The following RBFOX1 variants were observed in gnomAD, a reference collection of about 807,000 sequenced individuals.
RBFOX1 encodes RNA binding protein fox-1 homolog 1.
Under a neutral mutation model 57.7 loss-of-function variants are expected in RBFOX1, and 8 were observed. The observed-to-expected ratio is 0.14, with a 90% confidence interval of 0.08 to 0.25. The LOEUF is 0.25. RBFOX1 is among the 10% of genes least tolerant of loss of function. The probability of loss-of-function intolerance (pLI) is 1.00; values close to 1 mark genes in which losing one functional copy is unlikely to be tolerated. For synonymous variants in RBFOX1, 326 were observed against 222.4 expected (o/e 1.47, Z -4.15); for missense variants, 611 against 548.5 (o/e 1.11, Z -1.14).
intron 2 of RBFOX1, among the ~76,000 whole-genome samples, chr16:5,531,235 G>C (rs1472020858): frequency 6.6e-6 from 1 of 152,200 alleles, no homozygotes; most frequent in African/African-American, 2.4e-5. Flanking sequence ...CAGGCACTCT[G>C]GGGTGGGTTG....
intron 4 of RBFOX1, among the ~76,000 whole-genome samples, chr16:7,469,303 C>T (rs912690414): frequency 6.6e-6 from 1 of 152,040 alleles, no homozygotes; most frequent in African/African-American, 2.4e-5. Context: ...ACCTCATGAT[C>T]TGCCCGCCTC....
intron 3 of RBFOX1, among the ~76,000 whole-genome samples, chr16:6,737,697 C>T (rs538616005): frequency 1.8e-4 from 28 of 152,208 alleles, no homozygotes; most frequent in African/African-American, 4.8e-4. Flanking sequence ...CAAAATGTCC[C>T]AGAGCCTTAG....
At chr16:5,323,611 A>G (rs558467076) in intron 1 of RBFOX1, among the ~76,000 whole-genome samples, 24 of 152,386 alleles carry the variant, frequency 1.6e-4, no homozygotes, top group Middle Eastern at 3.4e-3. Context: ...TTTTAAAGCA[A>G]TAGCTTCATT....
chr16:7,427,879 C>T (rs1405506300), intron 4 of RBFOX1, among the ~76,000 whole-genome samples: 1 of 152,134 alleles, frequency 6.6e-6, no homozygotes, highest in Non-Finnish European at 1.5e-5. Flanking sequence ...GTCTCAAACC[C>T]CTGACCTCAG....
intron 1 of RBFOX1, among the ~76,000 whole-genome samples, chr16:5,430,576 C>G (rs978006382): frequency 6.6e-6 from 1 of 152,164 alleles, no homozygotes; most frequent in Non-Finnish European, 1.5e-5. Flanking sequence ...AGGATTTAAA[C>G]GCTAAGCCCA....
At chr16:7,251,873 A>G (rs1193566845) in intron 4 of RBFOX1, among the ~76,000 whole-genome samples, 1 of 152,208 alleles carries the variant, frequency 6.6e-6, no homozygotes, top group Non-Finnish European at 1.5e-5. Context: ...GCTGGAGCAT[A>G]TGGTAGTTCT....
intron 3 of RBFOX1, among the ~76,000 whole-genome samples, chr16:7,049,406 A>G (rs1449449256): frequency 2.0e-5 from 3 of 152,108 alleles, no homozygotes; most frequent in Admixed American, 6.6e-5. Flanking sequence ...CTACCCTGAG[A>G]TTGCCTGGAG....
At chr16:6,470,123 A>G (rs2095140490) in intron 2 of RBFOX1, among the ~76,000 whole-genome samples, 1 of 152,190 alleles carries the variant, frequency 6.6e-6, no homozygotes, top group African/African-American at 2.4e-5. Context: ...TTTAAAATAG[A>G]GTATATAGAA....
At chr16:7,249,684 T>G (rs868023904) in intron 4 of RBFOX1, among the ~76,000 whole-genome samples, 1 of 152,138 alleles carries the variant, frequency 6.6e-6, no homozygotes, top group Non-Finnish European at 1.5e-5. Context: ...TTTTATGTAT[T>G]TTTTATTTTT....
At chr16:6,793,845 G>C (rs1275193762) in intron 3 of RBFOX1, among the ~76,000 whole-genome samples, 1 of 152,078 alleles carries the variant, frequency 6.6e-6, no homozygotes, top group Non-Finnish European at 1.5e-5. Flanking sequence ...TTAAAGTGGA[G>C]GTCTGGTATA....
chr16:5,333,369 A>G (rs1040028900), intron 1 of RBFOX1, among the ~76,000 whole-genome samples: 7 of 152,166 alleles, frequency 4.6e-5, no homozygotes, highest in African/African-American at 1.7e-4. Flanking sequence ...CTCTTTTGGG[A>G]GACAATGGCA....
chr16:7,109,753 A>C (rs937286380), intron 4 of RBFOX1, among the ~76,000 whole-genome samples: 3 of 152,120 alleles, frequency 2.0e-5, no homozygotes, highest in African/African-American at 7.2e-5. Context: ...CAAAAAATCG[A>C]GATGACTCCT....
intron 2 of RBFOX1, among the ~76,000 whole-genome samples, chr16:6,478,419 ATATATATATATT>A (rs1387045079): frequency 3.8e-3 from 53 of 13,790 alleles, no homozygotes; most frequent in East Asian, 0.026. Context: ...ATATATATAT[ATATATATATATT>A]TTTTTTTTTT....
chr16:6,248,296 GC>G (rs2097581120), intron 1 of RBFOX1, among the ~76,000 whole-genome samples: 1 of 152,104 alleles, frequency 6.6e-6, no homozygotes, highest in African/African-American at 2.4e-5. Context: ...AAGAGAGGTG[GC>G]CTTGGATTTT....
intron 3 of RBFOX1, among the ~76,000 whole-genome samples, chr16:6,902,435 G>T (rs1470360796): frequency 6.6e-6 from 1 of 152,150 alleles, no homozygotes; most frequent in African/African-American, 2.4e-5. Context: ...AGAGGAAAAG[G>T]TGGTTTTGCC....
At chr16:6,873,392 A>T (rs919920858) in intron 3 of RBFOX1, among the ~76,000 whole-genome samples, 1 of 152,166 alleles carries the variant, frequency 6.6e-6, no homozygotes, top group African/African-American at 2.4e-5. Context: ...TTATGTAAGC[A>T]GAATGCAATT....
intron 1 of RBFOX1, among the ~76,000 whole-genome samples, chr16:6,070,810 C>T (rs1200100336): frequency 6.6e-6 from 1 of 151,482 alleles, no homozygotes; most frequent in Non-Finnish European, 1.5e-5. Flanking sequence ...TATACACACA[C>T]ACGCTCGCCC....
intron 4 of RBFOX1, among the ~76,000 whole-genome samples, chr16:7,167,812 C>T (rs955772790): frequency 1.3e-5 from 2 of 152,012 alleles, no homozygotes; most frequent in South Asian, 2.1e-4. Context: ...TGAATAACTG[C>T]GACAAAAACC....
At chr16:7,648,012 A>T (rs945895208) in intron 11 of RBFOX1, among the ~76,000 whole-genome samples, 8 of 152,142 alleles carry the variant, frequency 5.3e-5, no homozygotes, top group African/African-American at 1.9e-4. Flanking sequence ...ACATTTTACC[A>T]TGTTCCAGAA....
Sources: allele counts gnomAD v4.1 joint callset (sites outside exome capture counted in the v4.1 genomes callset), GRCh38; gene constraint gnomAD v4.1.1; transcripts MANE v1.5; gene names NCBI Gene and HGNC (gene_info 2026-07-23, HGNC 2026-07-21).